Variants in GSE1 observed in about 807,000 individuals in gnomAD.
GSE1 encodes genetic suppressor element 1.
In GSE1, 32 loss-of-function variants were observed where a neutral mutation model predicts 112.6. The ratio of observed to expected loss-of-function variants is 0.28; its 90% CI spans 0.21 to 0.38. The LOEUF (loss-of-function observed/expected upper bound fraction) is 0.38, where lower values mean the gene tolerates loss of function less well. GSE1 is among the 10% of genes least tolerant of loss of function. The pLI, the probability that GSE1 is intolerant of heterozygous loss-of-function variation, is 1.00. For synonymous variants in GSE1, 1,115 were observed against 735.6 expected (o/e 1.52, Z -8.35); for missense variants, 2,348 against 1,699.2 (o/e 1.38, Z -6.71).
At chr16:85,223,434 A>G (rs2075428311) in intron 1 of GSE1, among the ~76,000 whole-genome samples, 1 of 150,998 alleles carries the variant, frequency 6.6e-6, no homozygotes, top group Admixed American at 6.6e-5. Flanking sequence ...GAGACAGGAG[A>G]ATAGCTTGAA....
At chr16:85,575,177 C>A (rs1338916808) in intron 1 of GSE1, among the ~76,000 whole-genome samples, 1 of 152,178 alleles carries the variant, frequency 6.6e-6, no homozygotes, top group Non-Finnish European at 1.5e-5. Context: ...TGAAGAAATA[C>A]TGGCAGGGAA....
chr16:85,209,459 A>G lies in GSE1; in HGVS notation c.2283+37652A>G, dbSNP rs138796229. On this transcript the variant is annotated intron_variant, in intron 1 of 2. Coordinates refer to the GSE1 transcript ENST00000637419. ...GCATTCTGTTCTTGAAGTCTTCTGCATCTCTTGTGGCCCCCAGCTGGCGTG... is the reference window on the plus strand; with the variant it reads ...GCATTCTGTTCTTGAAGTCTTCTGCGTCTCTTGTGGCCCCCAGCTGGCGTG... Among the ~76,000 whole-genome samples the G allele has an allele frequency of 3.0e-3, 456 of 152,150 alleles. 1 individual carries two copies. The highest frequency in any genetic ancestry group is 8.9e-3 in the African/African-American group (371 of 41,500).
At chr16:85,371,709 G>A (rs567429570) in intron 2 of GSE1, among the ~76,000 whole-genome samples, 31 of 152,318 alleles carry the variant, frequency 2.0e-4, no homozygotes, top group Admixed American at 2.0e-3. Flanking sequence ...ACCTGAGGGT[G>A]AGCTCAGGGT....
chr16:85,512,131 C>T (rs1208741693), intron 2 of GSE1, among the ~76,000 whole-genome samples: 1 of 152,152 alleles, frequency 6.6e-6, no homozygotes, highest in Non-Finnish European at 1.5e-5. Flanking sequence ...TTCTGCGAGT[C>T]CACAGCCTGG....
intron 2 of GSE1, among the ~76,000 whole-genome samples, chr16:85,520,123 C>G (rs1162671775): frequency 6.6e-6 from 1 of 152,184 alleles, no homozygotes; most frequent in African/African-American, 2.4e-5. Context: ...GCTGAAAGTC[C>G]AAGATCAAGG....
intron 11 of GSE1, 70 bp downstream of exon 11, chr16:85,663,684 G>C (rs2052614155): frequency 4.8e-6 from 7 of 1,468,922 alleles, no homozygotes; most frequent in South Asian, 3.8e-5. Flanking sequence ...GCAGCAGGTG[G>C]GGCCGGTGGA....
intron 1 of GSE1, 29 bp downstream of exon 1, chr16:85,613,427 G>A (rs1027695374): frequency 1.3e-6 from 2 of 1,543,316 alleles, no homozygotes; most frequent in East Asian, 2.5e-5. Flanking sequence ...GCCGGGGACG[G>A]GGTCCTCCCC....
chr16:85,245,483 G>T (rs1341185619), intron 1 of GSE1, among the ~76,000 whole-genome samples: 1 of 152,274 alleles, frequency 6.6e-6, no homozygotes, highest in East Asian at 1.9e-4. Context: ...TGTTGCTGTC[G>T]TCATTGTCCC....
At chr16:85,553,192 G>GGGAGGGGAAAGCGGGGGCT (rs2045013341), upstream of GSE1, among the ~76,000 whole-genome samples, 1 of 151,454 alleles carries the variant, frequency 6.6e-6, no homozygotes, top group Non-Finnish European at 1.5e-5. Context: ...ATAAATGGGT[G>GGGAGGGGAAAGCGGGGGCT]GGAGGGGAAA....
chr16:85,608,156 G>T (rs1457726909), upstream of GSE1, among the ~76,000 whole-genome samples: 1 of 152,204 alleles, frequency 6.6e-6, no homozygotes. Flanking sequence ...CTGGGCCAGT[G>T]ATAGCAGGGC....
At chr16:85,481,934 C>G (rs775144278) in intron 2 of GSE1, among the ~76,000 whole-genome samples, 1 of 152,258 alleles carries the variant, frequency 6.6e-6, no homozygotes, top group Non-Finnish European at 1.5e-5. Context: ...CAGCCGCCGA[C>G]GGACCATACC....
intron 1 of GSE1, among the ~76,000 whole-genome samples, chr16:85,272,192 G>A (rs1908907598): frequency 6.6e-6 from 1 of 152,246 alleles, no homozygotes; most frequent in Admixed American, 6.5e-5. Flanking sequence ...CGCTTTGGAT[G>A]TCTGAGTTTG....
chr16:85,623,017 A>G (rs1321701371), intron 1 of GSE1, among the ~76,000 whole-genome samples: 2 of 152,112 alleles, frequency 1.3e-5, no homozygotes, highest in Non-Finnish European at 2.9e-5. Context: ...AGTTAGGGAC[A>G]AACTAAGGGA....
chr16:85,222,359 C>T (rs139327353), intron 1 of GSE1, among the ~76,000 whole-genome samples: 16 of 152,354 alleles, frequency 1.1e-4, no homozygotes, highest in Admixed American at 2.6e-4. Context: ...GGAGAGGTCC[C>T]TTAGACCACA....
intron 1 of GSE1, among the ~76,000 whole-genome samples, chr16:85,307,769 A>C (rs1000016207): frequency 6.6e-6 from 1 of 152,138 alleles, no homozygotes; most frequent in East Asian, 1.9e-4. Flanking sequence ...CCCACCATGA[A>C]TCTTATCATT....
exon 1 of GSE1, chr16:85,171,010 C>T (rs995742558): frequency 4.1e-6 from 4 of 985,426 alleles, no homozygotes; most frequent in African/African-American, 3.5e-5. Flanking sequence ...CCGGGCGGTC[C>T]CCTCCAGGAT....
chr16:85,334,579 A>G (rs2046443913), intron 1 of GSE1, among the ~76,000 whole-genome samples: 1 of 152,178 alleles, frequency 6.6e-6, no homozygotes, highest in South Asian at 2.1e-4. Flanking sequence ...GTGCAGGGGC[A>G]GTGCATTGAC....
At position 85,613,328 on chromosome 16, in the gene GSE1, G is replaced by C; in HGVS notation, c.-64G>C. The stretch of plus-strand genomic sequence containing the variant: ...AGCCCCGGGTGAGATAAGCAGTTTA[G>C]ACAAACACTGGGCGACGGTGGCTCC... On this transcript the variant is annotated 5_prime_UTR_variant, in exon 1 of 16. Coordinates refer to ENST00000253458, the MANE Select transcript of GSE1 (RefSeq NM_014615.5). 6.4e-7 allele frequency: 1 copy of C among 1,554,216 alleles called. No individual in the cohort carries two copies. Among genetic ancestry groups the C allele is most frequent in the Non-Finnish European group, 8.7e-7 (1 of 1,149,298 alleles).
At chr16:85,556,182 C>CGGGATCGCTCTT in exon 1 of GSE1, 3 of 982,586 alleles carry the variant, frequency 3.1e-6, no homozygotes, top group Non-Finnish European at 3.6e-6. Flanking sequence ...TCGTCGCTCT[C>CGGGATCGCTCTT]GGGATCGCTC....
Sources: gnomAD v4.1 joint callset for allele counts (sites outside exome capture counted in the v4.1 genomes callset) on GRCh38, gnomAD v4.1.1 for gene constraint, MANE v1.5 for transcripts, NCBI Gene and HGNC (gene_info 2026-07-23, HGNC 2026-07-21) for gene names.